Variants in PPARGC1A observed in about 807,000 individuals in gnomAD.
The protein encoded by PPARGC1A is peroxisome proliferator-activated receptor gamma coactivator 1-alpha.
In PPARGC1A, 25 loss-of-function variants were observed where a neutral mutation model predicts 88.7. The observed-to-expected ratio is 0.28, with a 90% CI of 0.21 to 0.39. PPARGC1A has a LOEUF of 0.39. Among genes scored for constraint, PPARGC1A ranks in the 10% least tolerant of loss-of-function variants. The pLI is 1.00. For missense variants in PPARGC1A, 880 were observed against 968.7 expected, an observed-to-expected ratio of 0.91 and a Z score of 1.22; for synonymous variants, 363 against 355.6, an observed-to-expected ratio of 1.02 and a Z score of -0.24.
intron 1 of PPARGC1A, among the ~76,000 whole-genome samples, chr4:23,888,130 G>A (rs1321195488): frequency 6.6e-6 from 1 of 152,238 alleles, no homozygotes; most frequent in Non-Finnish European, 1.5e-5. Flanking sequence ...ATTTTATACA[G>A]GCGGAGGTGA....
the PPARGC1A span, among the ~76,000 whole-genome samples, chr4:24,309,170 A>G: frequency 6.6e-6 from 1 of 152,228 alleles, no homozygotes; most frequent in Admixed American, 6.5e-5. Flanking sequence ...GGAGTAAATA[A>G]GCAAAACAAT....
intron 2 of PPARGC1A, chr4:23,879,945 TCA>T (rs1715586562): frequency 2.0e-5 from 3 of 152,048 alleles, no homozygotes; most frequent in Non-Finnish European, 4.4e-5. Context: ...TAAACCAAGC[TCA>T]CCTCCACATC....
the PPARGC1A span, among the ~76,000 whole-genome samples, chr4:24,267,923 T>C: frequency 6.6e-6 from 1 of 152,208 alleles, no homozygotes; most frequent in African/African-American, 2.4e-5. Flanking sequence ...TCTAGCAATC[T>C]ACAAACAACA....
At chr4:23,937,031 G>C in the PPARGC1A span, among the ~76,000 whole-genome samples, 2 of 150,882 alleles carry the variant, frequency 1.3e-5, no homozygotes, top group African/African-American at 4.8e-5. Flanking sequence ...AAGTCACGAA[G>C]AAGACCAGAG....
At chr4:23,889,829 C>T in intron 1 of PPARGC1A, 75 bp downstream of exon 1, 4 of 1,556,460 alleles carry the variant, frequency 2.6e-6, no homozygotes, top group Non-Finnish European at 3.5e-6. Flanking sequence ...CCAAGCCCAT[C>T]CCCCCTTACA....
At chr4:24,228,674 C>T in the PPARGC1A span, among the ~76,000 whole-genome samples, 1 of 152,016 alleles carries the variant, frequency 6.6e-6, no homozygotes, top group African/African-American at 2.4e-5. Flanking sequence ...AGAAAAAAAA[C>T]CCAGGTAGGG....
the PPARGC1A span, among the ~76,000 whole-genome samples, chr4:24,143,476 T>C: frequency 6.6e-6 from 1 of 151,982 alleles, no homozygotes; most frequent in Admixed American, 6.5e-5. Context: ...CCCAAAAGGA[T>C]CAAAAAGAGA....
the PPARGC1A span, among the ~76,000 whole-genome samples, chr4:24,078,362 T>C: frequency 6.6e-6 from 1 of 152,144 alleles, no homozygotes; most frequent in African/African-American, 2.4e-5. Context: ...ATAAGGCAAG[T>C]TGTTGGCACT....
At chr4:24,283,810 G>T in the PPARGC1A span, among the ~76,000 whole-genome samples, 1 of 152,154 alleles carries the variant, frequency 6.6e-6, no homozygotes, top group South Asian at 2.1e-4. Flanking sequence ...ACACAGAAAA[G>T]GGATAATGAC....
At chr4:24,155,060 C>T in the PPARGC1A span, among the ~76,000 whole-genome samples, 1 of 151,650 alleles carries the variant, frequency 6.6e-6, no homozygotes, top group Admixed American at 6.6e-5. Context: ...AGGTTCCAAT[C>T]TCAGGTCAGC....
chr4:24,201,790 G>C, the PPARGC1A span, among the ~76,000 whole-genome samples: 1 of 151,984 alleles, frequency 6.6e-6, no homozygotes, highest in African/African-American at 2.4e-5. Context: ...ATGAAAATAA[G>C]ATCCTTTTTT....
At chr4:24,111,507 A>G in the PPARGC1A span, among the ~76,000 whole-genome samples, 1 of 152,232 alleles carries the variant, frequency 6.6e-6, no homozygotes, top group Non-Finnish European at 1.5e-5. Context: ...AACTGTTTCT[A>G]AAGGATGGCA....
chr4:24,337,800 G>A, the PPARGC1A span, among the ~76,000 whole-genome samples: 1 of 151,880 alleles, frequency 6.6e-6, no homozygotes, highest in Non-Finnish European at 1.5e-5. Context: ...ACTTCACATT[G>A]GACTCATCAA....
chr4:24,459,770 G>A, the PPARGC1A span, among the ~76,000 whole-genome samples: 5 of 152,272 alleles, frequency 3.3e-5, no homozygotes, highest in South Asian at 2.1e-4. Context: ...CAGCATGAGC[G>A]ACAGAGCGAG....
At chr4:24,036,736 G>A in the PPARGC1A span, among the ~76,000 whole-genome samples, 1 of 152,142 alleles carries the variant, frequency 6.6e-6, no homozygotes, top group South Asian at 2.1e-4. Context: ...ACTTGGGTAG[G>A]GTATTGAATT....
chr4:24,004,180 AACTCGAAC>A, the PPARGC1A span, among the ~76,000 whole-genome samples: 2 of 152,170 alleles, frequency 1.3e-5, no homozygotes, highest in Non-Finnish European at 2.9e-5. Context: ...AGAAAGCCCA[AACTCGAAC>A]ACAGGCAAGT....
chr4:23,954,949 C>T, the PPARGC1A span, among the ~76,000 whole-genome samples: 1 of 151,996 alleles, frequency 6.6e-6, no homozygotes, highest in Non-Finnish European at 1.5e-5. Flanking sequence ...TTTCACTAAG[C>T]ATCGCTGGGT....
chr4:23,892,544 G>GTTTTTTTTTT (rs34009315), upstream of PPARGC1A, among the ~76,000 whole-genome samples: 2 of 144,102 alleles, frequency 1.4e-5, no homozygotes, highest in African/African-American at 5.1e-5. Flanking sequence ...CTTCAGTCCA[G>GTTTTTTTTTT]TTTTTTTTTT....
chr4:24,357,496 T>C, the PPARGC1A span, among the ~76,000 whole-genome samples: 26,730 of 152,282 alleles, frequency 0.18, 2,500 homozygotes, highest in Non-Finnish European at 0.2. Context: ...CCTGTTTTGC[T>C]TCTAGCAGCT....
Sources: gnomAD v4.1 joint callset for allele counts (sites outside exome capture counted in the v4.1 genomes callset) on GRCh38, gnomAD v4.1.1 for gene constraint, MANE v1.5 for transcripts, NCBI Gene and HGNC (gene_info 2026-07-23, HGNC 2026-07-21) for gene names.